The following ALK variants were observed in gnomAD, a reference collection of about 807,000 sequenced individuals.
The protein encoded by ALK is ALK tyrosine kinase receptor.
In ALK, 74 loss-of-function variants were observed where a neutral mutation model predicts 163.1. The observed-to-expected ratio is 0.45, with a 90% CI of 0.38 to 0.55. The LOEUF (loss-of-function observed/expected upper bound fraction) is 0.55. Among genes scored for constraint, ALK ranks in the 20% least tolerant of loss-of-function variants. The pLI is 0.00. For synonymous variants in ALK, 960 were observed against 843.2 expected, an observed-to-expected ratio of 1.14 and a Z score of -2.40; for missense variants, 2,063 against 2,105.3, an observed-to-expected ratio of 0.98 and a Z score of 0.39.
chr2:29,800,970 C>G (rs546657147), intron 1 of ALK, among the ~76,000 whole-genome samples: 55 of 152,152 alleles, frequency 3.6e-4, no homozygotes, highest in Non-Finnish European at 6.6e-4. Context: ...CCTCCCCTCT[C>G]TCACCCAAAT....
intron 4 of ALK, among the ~76,000 whole-genome samples, chr2:29,519,303 GA>G (rs1672752367): frequency 1.3e-5 from 2 of 152,128 alleles, no homozygotes; most frequent in South Asian, 4.1e-4. Flanking sequence ...TGGGGTAGGG[GA>G]TAAAGAATTT....
intron 3 of ALK, among the ~76,000 whole-genome samples, chr2:29,694,191 G>T (rs889466491): frequency 6.6e-5 from 10 of 152,162 alleles, no homozygotes; most frequent in African/African-American, 1.7e-4. Context: ...TTTAACAGTT[G>T]CCCACTACTT....
intron 1 of ALK, among the ~76,000 whole-genome samples, chr2:29,748,432 A>G (rs1315899441): frequency 6.6e-6 from 1 of 152,174 alleles, no homozygotes; most frequent in Non-Finnish European, 1.5e-5. Context: ...TCACCTGGTG[A>G]TCATATTGGA....
intron 4 of ALK, among the ~76,000 whole-genome samples, chr2:29,455,907 C>T (rs542880245): frequency 3.0e-4 from 45 of 152,280 alleles, no homozygotes; most frequent in African/African-American, 9.6e-4. Context: ...TTCCCGAGGT[C>T]CCTGCACTCC....
At chr2:29,557,962 T>C (rs926014026) in intron 3 of ALK, among the ~76,000 whole-genome samples, 1 of 152,196 alleles carries the variant, frequency 6.6e-6, no homozygotes, top group African/African-American at 2.4e-5. Context: ...TTAAATCCTC[T>C]ATTGAGATGA....
chr2:29,228,046 C>T (rs1350287034), intron 16 of ALK, among the ~76,000 whole-genome samples: 2 of 152,184 alleles, frequency 1.3e-5, no homozygotes, highest in Non-Finnish European at 2.9e-5. Flanking sequence ...TCTTCAGCCC[C>T]ATTGGGTCAG....
At chr2:29,276,907 G>A (rs571316933) in intron 9 of ALK, among the ~76,000 whole-genome samples, 4 of 152,318 alleles carry the variant, frequency 2.6e-5, no homozygotes, top group Admixed American at 2.6e-4. Context: ...CGGGATTGTG[G>A]TGCTCTCTCC....
At chr2:29,742,744 C>A (rs1295952012) in intron 1 of ALK, among the ~76,000 whole-genome samples, 1 of 152,170 alleles carries the variant, frequency 6.6e-6, no homozygotes, top group Non-Finnish European at 1.5e-5. Flanking sequence ...AGGTTGCAAT[C>A]CAAAGTGGAA....
intron 1 of ALK, among the ~76,000 whole-genome samples, chr2:29,909,476 C>CAGAGAGAG (rs1313074824): frequency 1.0e-5 from 1 of 96,708 alleles, no homozygotes; most frequent in East Asian, 3.8e-4. Flanking sequence ...GAGAGACAGA[C>CAGAGAGAG]AGACAGAGAG....
intron 8 of ALK, among the ~76,000 whole-genome samples, chr2:29,305,313 AAG>A (rs990707021): frequency 6.6e-6 from 1 of 152,154 alleles, no homozygotes; most frequent in Non-Finnish European, 1.5e-5. Context: ...GAGAGAGAAA[AAG>A]AGAGAGAGAC....
intron 26 of ALK, among the ~76,000 whole-genome samples, chr2:29,201,598 C>G (rs1256187590): frequency 6.6e-6 from 1 of 151,990 alleles, no homozygotes; most frequent in Non-Finnish European, 1.5e-5. Flanking sequence ...ACCAGCCTGG[C>G]CAACGTGGTG....
At chr2:29,547,753 A>C (rs1396578127) in intron 3 of ALK, among the ~76,000 whole-genome samples, 1 of 152,182 alleles carries the variant, frequency 6.6e-6, no homozygotes, top group Non-Finnish European at 1.5e-5. Context: ...TTTAAAAAAA[A>C]GACTTGATTT....
At chr2:29,634,360 T>C (rs984326429) in intron 3 of ALK, among the ~76,000 whole-genome samples, 23 of 152,168 alleles carry the variant, frequency 1.5e-4, no homozygotes, top group Admixed American at 7.2e-4. Flanking sequence ...CTACTGAATA[T>C]AGATGCAAAC....
chr2:29,679,356 CT>C (rs377199663), intron 3 of ALK, among the ~76,000 whole-genome samples: 10 of 151,278 alleles, frequency 6.6e-5, no homozygotes, highest in South Asian at 2.1e-4. Flanking sequence ...ATCTTTCTTC[CT>C]TTTTTTTCAG....
intron 3 of ALK, among the ~76,000 whole-genome samples, chr2:29,655,580 A>G (rs1677161868): frequency 6.6e-6 from 1 of 152,194 alleles, no homozygotes; most frequent in Non-Finnish European, 1.5e-5. Flanking sequence ...AAGCTCACTC[A>G]TAACAACACA....
intron 2 of ALK, among the ~76,000 whole-genome samples, chr2:29,699,825 T>C (rs1415984646): frequency 6.6e-6 from 1 of 152,212 alleles, no homozygotes; most frequent in Non-Finnish European, 1.5e-5. Context: ...ATTTCCATCA[T>C]GGAAGAAAGG....
chr2:29,555,262 C>T (rs914426501), intron 3 of ALK, among the ~76,000 whole-genome samples: 3 of 152,070 alleles, frequency 2.0e-5, no homozygotes, highest in Admixed American at 2.0e-4. Context: ...ATAGTCCCCA[C>T]AATTTCCTAA....
intron 1 of ALK, among the ~76,000 whole-genome samples, chr2:29,850,601 A>G (rs947483897): frequency 3.4e-4 from 51 of 152,116 alleles, no homozygotes; most frequent in African/African-American, 1.2e-3. Flanking sequence ...CCCAAAAGGG[A>G]CCTTGGCCAC....
At chr2:29,339,434 A>T (rs1429926918) in intron 5 of ALK, among the ~76,000 whole-genome samples, 1 of 152,210 alleles carries the variant, frequency 6.6e-6, no homozygotes, top group African/African-American at 2.4e-5. Flanking sequence ...AGATGGTCAC[A>T]GAGGGTTATG....
Sources: allele counts gnomAD v4.1 joint callset (sites outside exome capture counted in the v4.1 genomes callset), GRCh38; gene constraint gnomAD v4.1.1; transcripts MANE v1.5; gene names NCBI Gene and HGNC (gene_info 2026-07-23, HGNC 2026-07-21).